Variants in DPP6 observed in about 807,000 individuals in gnomAD.
DPP6 encodes the protein A-type potassium channel modulatory protein DPP6.
Under a neutral mutation model 122.6 loss-of-function variants are expected in DPP6, and 69 were observed. That is an observed-to-expected ratio of 0.56 (90% CI 0.46 to 0.69). The LOEUF (loss-of-function observed/expected upper bound fraction) is 0.69, where lower values mean the gene tolerates loss of function less well. Among genes scored for constraint, DPP6 ranks in the 30% least tolerant of loss-of-function variants. DPP6 has a pLI of 0.00. For synonymous variants in DPP6, 418 were observed against 433.1 expected (o/e 0.97, Z 0.43); for missense variants, 928 against 1,116.9 (o/e 0.83, Z 2.41).
chr7:154,693,678 T>G (rs1321841679), intron 7 of DPP6, among the ~76,000 whole-genome samples: 1 of 152,134 alleles, frequency 6.6e-6, no homozygotes, highest in Non-Finnish European at 1.5e-5. Flanking sequence ...TGGCCACATC[T>G]GCCTTTAGGA....
In DPP6 at chr7:154,816,655, T is replaced by C. The variant is rs184721613; in HGVS notation, c.1666+9543T>C. Among the ~76,000 whole-genome samples the C allele has an allele frequency of 5.8e-4, 88 of 152,342 alleles. 2 individuals carry two copies. Among genetic ancestry groups the C allele is most frequent in the African/African-American group, 2.1e-3 (86 of 41,584 alleles). On this transcript the variant is annotated intron_variant, in intron 16 of 25. Coordinates refer to ENST00000377770, the MANE Select transcript of DPP6 (RefSeq NM_130797.4). ...TCATTGTCATCACCTTAGTAATCAA[T>C]TGAGTTTCTTACACATCCACTTGCT... is the stretch of plus-strand genomic sequence containing the variant.
intron 22 of DPP6, among the ~76,000 whole-genome samples, chr7:154,886,453 A>G (rs887644507): frequency 3.9e-5 from 6 of 152,224 alleles, no homozygotes; most frequent in Non-Finnish European, 7.3e-5. Context: ...TGGGGGTTCC[A>G]GGCTCCTGCA....
intron 1 of DPP6, among the ~76,000 whole-genome samples, chr7:153,923,341 T>C (rs1369410905): frequency 6.6e-6 from 1 of 152,232 alleles, no homozygotes; most frequent in Non-Finnish European, 1.5e-5. Context: ...TATGTGCACG[T>C]ATTTTCTATC....
intron 16 of DPP6, among the ~76,000 whole-genome samples, chr7:154,844,271 C>G (rs1016717124): frequency 6.6e-6 from 1 of 152,208 alleles, no homozygotes; most frequent in African/African-American, 2.4e-5. Context: ...GTGGTAAAAA[C>G]CCCTCATAGG....
At chr7:154,548,578 T>C (rs1461779460) in intron 4 of DPP6, among the ~76,000 whole-genome samples, 1 of 152,042 alleles carries the variant, frequency 6.6e-6, no homozygotes, top group African/African-American at 2.4e-5. Flanking sequence ...GTTTAATCTT[T>C]CTGGCCCCAG....
At chr7:153,942,869 A>G (rs1426918765) in intron 1 of DPP6, among the ~76,000 whole-genome samples, 1 of 152,220 alleles carries the variant, frequency 6.6e-6, no homozygotes, top group African/African-American at 2.4e-5. Flanking sequence ...CACGTGGTCC[A>G]GCAATCACAG....
chr7:154,114,489 A>C (rs955968938), intron 1 of DPP6, among the ~76,000 whole-genome samples: 5 of 152,250 alleles, frequency 3.3e-5, no homozygotes, highest in African/African-American at 1.2e-4. Flanking sequence ...TGGAGGAAGG[A>C]GGATAAAGAA....
intron 2 of DPP6, among the ~76,000 whole-genome samples, chr7:154,447,399 T>C (rs1348006935): frequency 3.3e-5 from 5 of 152,164 alleles, no homozygotes; most frequent in Non-Finnish European, 5.9e-5. Flanking sequence ...CTCATGATCA[T>C]AGTAGATGCC....
the DPP6 span, among the ~76,000 whole-genome samples, chr7:153,830,402 T>C: frequency 6.6e-6 from 1 of 152,236 alleles, no homozygotes; most frequent in Non-Finnish European, 1.5e-5. Flanking sequence ...ATACTCTTTG[T>C]GCACATTTAA....
chr7:154,697,813 G>T (rs1040287711), intron 7 of DPP6, among the ~76,000 whole-genome samples: 4 of 152,130 alleles, frequency 2.6e-5, no homozygotes, highest in African/African-American at 9.7e-5. Flanking sequence ...GCCATGGCGT[G>T]CGCGGCTCTG....
At position 154,486,219 on chromosome 7, in the gene DPP6, C is replaced by T. The variant is rs896391252; in HGVS notation, c.457+11182C>T. ...CACGATCTCAGCTCACTGCAACCTC[C>T]GCCTCCCTGATTCAAGCGATTCTTC... On this transcript the variant is annotated intron_variant, in intron 3 of 25. Transcript: ENST00000377770. The surrounding 1 kb of genome is among the most constrained non-coding windows in gnomAD (Gnocchi z 4.5). 3.3e-5 allele frequency among the ~76,000 whole-genome samples: 5 copies of T among 151,900 alleles called. No individual in the cohort carries two copies. The highest frequency in any genetic ancestry group is 6.6e-5 in the Admixed American group (1 of 15,250).
rs756887139 is a variant in DPP6, at chr7:154,588,127, A to C, written c.627+21211A>C. The stretch of plus-strand genomic sequence containing the variant: ...GCCAGCACAGGCTTGTTCCTTCAAC[A>C]CTGGTGGAGAGAGACACGCTGTCAT... On this transcript the variant is annotated intron_variant, in intron 5 of 25. Coordinates refer to ENST00000377770, the MANE Select transcript of DPP6 (RefSeq NM_130797.4). 5.1e-6 allele frequency: 8 copies of C among 1,569,188 alleles called. No individual in the cohort carries two copies. The South Asian group carries it at 7.2e-5, about 14-fold the overall frequency.
At chr7:154,715,165 C>T (rs1467471921) in intron 7 of DPP6, among the ~76,000 whole-genome samples, 1 of 152,186 alleles carries the variant, frequency 6.6e-6, no homozygotes, top group East Asian at 1.9e-4. Context: ...CTCCCAGGTT[C>T]AAGTGAATCT....
At chr7:154,254,583 G>A (rs62485806) in intron 1 of DPP6, among the ~76,000 whole-genome samples, 19,451 of 152,050 alleles carry the variant, frequency 0.13, 1,565 homozygotes, top group Non-Finnish European at 0.18. Context: ...GCTATTTTGT[G>A]TATGTAGTGG....
intron 1 of DPP6, among the ~76,000 whole-genome samples, chr7:154,313,565 C>T (rs1324865156): frequency 6.6e-6 from 1 of 150,586 alleles, no homozygotes; most frequent in African/African-American, 2.4e-5. Context: ...TTAATCTAGG[C>T]ATGTTTTGAT....
intron 1 of DPP6, among the ~76,000 whole-genome samples, chr7:153,916,533 C>T (rs185216791): frequency 8.9e-4 from 135 of 151,716 alleles, no homozygotes; most frequent in African/African-American, 2.8e-3. Context: ...CTCAGCCTCC[C>T]GAGTAGGTAG....
intron 20 of DPP6, among the ~76,000 whole-genome samples, chr7:154,878,793 A>G (rs2150664251): frequency 6.6e-6 from 1 of 152,254 alleles, no homozygotes; most frequent in South Asian, 2.1e-4. Flanking sequence ...CTCTGGGCTC[A>G]ACTTGGGATT....
chr7:153,795,767 A>T, the DPP6 span, among the ~76,000 whole-genome samples: 1 of 150,730 alleles, frequency 6.6e-6, no homozygotes, highest in South Asian at 2.1e-4. Context: ...GCTTTAAAAG[A>T]CTCCCTCAAA....
At chr7:154,497,664 A>G (rs2151401269) in intron 3 of DPP6, among the ~76,000 whole-genome samples, 1 of 152,180 alleles carries the variant, frequency 6.6e-6, no homozygotes, top group East Asian at 1.9e-4. Context: ...TTAGATCATC[A>G]TTCACAGCAG....
Sources: allele counts gnomAD v4.1 joint callset (sites outside exome capture counted in the v4.1 genomes callset), GRCh38; gene constraint gnomAD v4.1.1; non-coding constraint Gnocchi (gnomAD v3.1); transcripts MANE v1.5; gene names NCBI Gene and HGNC (gene_info 2026-07-23, HGNC 2026-07-21).